CRTAM: variants seen among roughly 807,000 people sequenced by gnomAD.
The protein encoded by CRTAM is cytotoxic and regulatory T cell molecule.
In CRTAM, 44 loss-of-function variants were observed where a neutral mutation model predicts 50.0. That is an observed-to-expected ratio of 0.88 (90% CI 0.69 to 1.13). The LOEUF (loss-of-function observed/expected upper bound fraction) is 1.13. Among genes scored for constraint, CRTAM ranks in the 50% most tolerant of loss-of-function variants. CRTAM has a pLI of 0.00. For missense variants in CRTAM, 448 were observed against 457.5 expected, an observed-to-expected ratio of 0.98 and a Z score of 0.19; for synonymous variants, 159 against 169.3, an observed-to-expected ratio of 0.94 and a Z score of 0.47.
intron 5 of CRTAM, among the ~76,000 whole-genome samples, chr11:122,857,445 G>A (rs1219999020): frequency 1.3e-5 from 2 of 152,188 alleles, no homozygotes; most frequent in African/African-American, 2.4e-5. Context: ...CTCCAGCCTG[G>A]GCAACAGAGC....
At chr11:122,850,002 C>A in intron 1 of CRTAM, 66 bp from the exon 2 acceptor site, 1 of 1,409,986 alleles carries the variant, frequency 7.1e-7, no homozygotes, top group Non-Finnish European at 9.4e-7. Flanking sequence ...AATGAATGAA[C>A]GAGACAAAAT....
At chr11:122,861,361 T>TATAC (rs1491218105) in intron 5 of CRTAM, among the ~76,000 whole-genome samples, 22 of 94,174 alleles carry the variant, frequency 2.3e-4, no homozygotes, top group African/African-American at 3.7e-4. Context: ...TATATATATA[T>TATAC]ACACACACAC....
At chr11:122,856,505 T>A (rs981811684) in intron 5 of CRTAM, among the ~76,000 whole-genome samples, 11 of 152,258 alleles carry the variant, frequency 7.2e-5, no homozygotes, top group Non-Finnish European at 5.9e-5. Context: ...TCCTTTAAGA[T>A]GCATGAGTCC....
Position 122,872,225 on chromosome 11 carries a change from G to A in CRTAM, c.*826G>A, listed in dbSNP as rs1454808250. On this transcript the variant is annotated 3_prime_UTR_variant, in exon 10 of 10. Coordinates refer to ENST00000227348, the MANE Select transcript of CRTAM (RefSeq NM_019604.4). ...AGGAGTGATACATGACAATAAATGAGTCAGATGAGCAAGAAGGCCCCAGAA... is the reference window on the plus strand; with the variant it reads ...AGGAGTGATACATGACAATAAATGAATCAGATGAGCAAGAAGGCCCCAGAA... 2 of 152,230 alleles carry A rather than the reference G, an allele frequency of 1.3e-5. No homozygotes were observed. The highest frequency in any genetic ancestry group is 2.9e-5 in the Non-Finnish European group (2 of 68,066). The allele number at this position is 152,230 out of a possible 1,614,324, so 9.4% of individuals were successfully genotyped here.
At position 122,871,512 on chromosome 11, in the gene CRTAM, A is replaced by G. The variant is rs758388478; in HGVS notation, c.*113A>G. On this transcript the variant is annotated 3_prime_UTR_variant, in exon 10 of 10. Transcript: ENST00000227348. Reference sequence around the variant, plus strand: ...ACATTAATAATGACCTCTTAGTGCAATGCAAGATGGTGTCCTCGGATAATG... The same window carrying G: ...ACATTAATAATGACCTCTTAGTGCAGTGCAAGATGGTGTCCTCGGATAATG... 2.6e-5 allele frequency: 22 copies of G among 836,992 alleles called. No homozygotes were observed. Among genetic ancestry groups the G allele is most frequent in the Non-Finnish European group, 3.9e-5 (22 of 560,684 alleles). The allele number at this position is 836,992 out of a possible 1,614,324, so 51.8% of individuals were successfully genotyped here.
chr11:122,842,028 G>C (rs1861805285), intron 1 of CRTAM, among the ~76,000 whole-genome samples: 2 of 152,312 alleles, frequency 1.3e-5, no homozygotes, highest in African/African-American at 4.8e-5. Context: ...AGATGAGAAA[G>C]ACATTCCAGG....
intron 3 of CRTAM, among the ~76,000 whole-genome samples, chr11:122,852,416 G>T (rs1188233355): frequency 6.6e-6 from 1 of 152,160 alleles, no homozygotes; most frequent in Non-Finnish European, 1.5e-5. Context: ...TCTACAGATG[G>T]TCAACTGTGT....
intron 5 of CRTAM, among the ~76,000 whole-genome samples, chr11:122,856,379 A>G (rs1862008236): frequency 6.6e-6 from 1 of 152,258 alleles, no homozygotes; most frequent in Admixed American, 6.5e-5. Context: ...TAAACATCCA[A>G]TATTAAATGT....
chr11:122,852,669 T>C (rs1591351243), intron 3 of CRTAM, among the ~76,000 whole-genome samples: 1 of 152,160 alleles, frequency 6.6e-6, no homozygotes, highest in East Asian at 1.9e-4. Context: ...AGCTCAGCGT[T>C]GTCTTTTTGT....
intron 5 of CRTAM, among the ~76,000 whole-genome samples, chr11:122,858,795 T>G (rs1365149138): frequency 6.6e-6 from 1 of 152,170 alleles, no homozygotes; most frequent in Non-Finnish European, 1.5e-5. Flanking sequence ...CCCAAAGCAC[T>G]GGGATTAGAG....
Position 122,862,464 on chromosome 11 carries a change from TTAC to T in CRTAM, c.655_657del (p.Thr219del). 6.2e-7 allele frequency: 1 copy of T among 1,608,768 alleles called. No individual in the cohort carries two copies. Among genetic ancestry groups the T allele is most frequent in the South Asian group, 1.1e-5 (1 of 90,984 alleles). On this transcript the variant is annotated inframe_deletion and splice_region_variant, in exon 6 of 10. Transcript: ENST00000227348. ...GAATTTTGTTTTTCCCCTTTCCTAG[TTAC>T]TGATGAAGAGACAGCTTCAGATGCT...
intron 5 of CRTAM, among the ~76,000 whole-genome samples, chr11:122,856,596 T>A (rs1375606924): frequency 2.6e-5 from 4 of 152,232 alleles, no homozygotes; most frequent in Non-Finnish European, 5.9e-5. Flanking sequence ...TCCTAAAGTA[T>A]AAGGAATTAC....
intron 7 of CRTAM, among the ~76,000 whole-genome samples, chr11:122,865,023 C>T (rs551548440): frequency 2.6e-5 from 4 of 151,938 alleles, no homozygotes; most frequent in Admixed American, 2.6e-4. Flanking sequence ...TTTGTTCTTC[C>T]CTTTTTTTTA....
At chr11:122,857,564 G>A (rs879367394) in intron 5 of CRTAM, among the ~76,000 whole-genome samples, 10 of 152,176 alleles carry the variant, frequency 6.6e-5, no homozygotes, top group Admixed American at 5.2e-4. Context: ...AAAGAGAAAC[G>A]CCAGCATCAG....
intron 4 of CRTAM, among the ~76,000 whole-genome samples, chr11:122,855,460 C>T (rs1861992882): frequency 6.6e-6 from 1 of 152,162 alleles, no homozygotes; most frequent in Non-Finnish European, 1.5e-5. Flanking sequence ...AGCTGTCCTT[C>T]TTAAGCTTTG....
intron 4 of CRTAM, among the ~76,000 whole-genome samples, chr11:122,855,032 CT>C (rs1861986982): frequency 6.6e-6 from 1 of 152,188 alleles, no homozygotes; most frequent in African/African-American, 2.4e-5. Context: ...CAACCTCTGC[CT>C]CCTGGGTTGA....
At chr11:122,845,119 A>G (rs1244725292) in intron 1 of CRTAM, among the ~76,000 whole-genome samples, 1 of 152,188 alleles carries the variant, frequency 6.6e-6, no homozygotes, top group Admixed American at 6.5e-5. Context: ...CCGGAAATAG[A>G]GCTGAGGAGC....
chr11:122,860,950 GC>G (rs1237264991), intron 5 of CRTAM, among the ~76,000 whole-genome samples: 1 of 152,078 alleles, frequency 6.6e-6, no homozygotes, highest in East Asian at 1.9e-4. Flanking sequence ...GCCTGCCTCG[GC>G]CCCCCACAGA....
At chr11:122,849,788 A>C (rs1270875740) in intron 1 of CRTAM, among the ~76,000 whole-genome samples, 1 of 152,048 alleles carries the variant, frequency 6.6e-6, no homozygotes, top group African/African-American at 2.4e-5. Context: ...ATGGCAGAGC[A>C]ATCGCCCAAA....
Sources: allele counts gnomAD v4.1 joint callset (sites outside exome capture counted in the v4.1 genomes callset), GRCh38; gene constraint gnomAD v4.1.1; transcripts MANE v1.5; gene names NCBI Gene and HGNC (gene_info 2026-07-23, HGNC 2026-07-21).